DEPDC5: variants seen among roughly 807,000 people sequenced by gnomAD.
The protein encoded by DEPDC5 is GATOR1 complex protein DEPDC5.
In DEPDC5, 73 loss-of-function variants were observed where a neutral mutation model predicts 217.3. The ratio of observed to expected loss-of-function variants is 0.34; its 90% CI spans 0.28 to 0.41. The LOEUF (loss-of-function observed/expected upper bound fraction) is 0.41, where lower values mean the gene tolerates loss of function less well. DEPDC5 is among the 10% of genes least tolerant of loss of function. The pLI is 1.00. For missense variants in DEPDC5, 1,675 were observed against 2,070.1 expected (o/e 0.81, Z 3.70); for synonymous variants, 733 against 756.7 (o/e 0.97, Z 0.51).
chr22:31,848,355 T>A (rs1228089579), intron 31 of DEPDC5, among the ~76,000 whole-genome samples: 1 of 152,212 alleles, frequency 6.6e-6, no homozygotes, highest in African/African-American at 2.4e-5. Context: ...GCAGAGGTTC[T>A]CCATGAGGGC....
chr22:31,773,859 G>C (rs1569515316), intron 7 of DEPDC5, among the ~76,000 whole-genome samples: 1 of 152,226 alleles, frequency 6.6e-6, no homozygotes, highest in East Asian at 1.9e-4. Context: ...ATTACCTGAG[G>C]TCAGGGGTTC....
chr22:31,869,565 TAA>T (rs3069117), intron 33 of DEPDC5, among the ~76,000 whole-genome samples: 17,547 of 125,356 alleles, frequency 0.14, 1,227 homozygotes, highest in South Asian at 0.24. Context: ...AGTCTGTCTT[TAA>T]AAAAAAAAAA....
Position 31,884,051 on chromosome 22 carries a change from A to G in DEPDC5, c.4033+4299A>G, listed in dbSNP as rs191711970. On this transcript the variant is annotated intron_variant, in intron 38 of 42. Coordinates refer to ENST00000651528, the MANE Select transcript of DEPDC5 (RefSeq NM_001242896.3). Reference sequence around the variant, plus strand: ...ACCTCACATCTCACTTTATGTAATCATAGCTTTGAGCTGCCAAACCTCATT... The same window carrying G: ...ACCTCACATCTCACTTTATGTAATCGTAGCTTTGAGCTGCCAAACCTCATT... Among the ~76,000 whole-genome samples, 21 of 152,214 alleles carry G rather than the reference A, an allele frequency of 1.4e-4. No individual in the cohort carries two copies. In the East Asian group the frequency reaches 4.1e-3, roughly 29 times the overall value.
intron 27 of DEPDC5, among the ~76,000 whole-genome samples, chr22:31,841,432 C>T: frequency 6.6e-6 from 1 of 152,152 alleles, no homozygotes; most frequent in Non-Finnish European, 1.5e-5. Flanking sequence ...AATGCACAAA[C>T]AAAGCAAGGA....
intron 24 of DEPDC5, 113 bp from the exon 25 acceptor site, chr22:31,833,802 A>G: frequency 1.2e-6 from 1 of 811,040 alleles, no homozygotes; most frequent in Non-Finnish European, 1.9e-6. Context: ...CAGAATTTGC[A>G]CTTGGTTTAC....
At chr22:31,762,301 G>A (rs1231285604) in intron 4 of DEPDC5, among the ~76,000 whole-genome samples, 4 of 152,214 alleles carry the variant, frequency 2.6e-5, no homozygotes, top group African/African-American at 7.2e-5. Flanking sequence ...CAGTCTAGGC[G>A]TAGCCAGAAG....
intron 38 of DEPDC5, chr22:31,880,230 G>T: frequency 5.8e-6 from 1 of 173,548 alleles, no homozygotes; most frequent in Admixed American, 5.4e-5. Flanking sequence ...CCCCAAATGT[G>T]CTTACCATAT....
At chr22:31,810,903 G>A (rs2088226765) in intron 20 of DEPDC5, among the ~76,000 whole-genome samples, 2 of 152,086 alleles carry the variant, frequency 1.3e-5, no homozygotes, top group South Asian at 4.1e-4. Flanking sequence ...AGCCTCACAA[G>A]TTGCTGGGAT....
At chr22:31,782,590 T>G (rs1412526602) in intron 8 of DEPDC5, among the ~76,000 whole-genome samples, 1 of 152,196 alleles carries the variant, frequency 6.6e-6, no homozygotes, top group Non-Finnish European at 1.5e-5. Flanking sequence ...TTGCTTTTCC[T>G]TGAGGCAGTC....
At chr22:31,826,070 G>A (rs543190540) in intron 24 of DEPDC5, among the ~76,000 whole-genome samples, 26 of 151,926 alleles carry the variant, frequency 1.7e-4, no homozygotes, top group African/African-American at 6.3e-4. Flanking sequence ...GCAGTGGTGC[G>A]ATCTCAGCTC....
At chr22:31,888,254 T>TG (rs1467874557) in intron 38 of DEPDC5, among the ~76,000 whole-genome samples, 2 of 141,800 alleles carry the variant, frequency 1.4e-5, no homozygotes, top group South Asian at 2.4e-4. Flanking sequence ...TTTTTTTTTT[T>TG]TTTTTTTTTT....
chr22:31,871,516 T>C (rs2092841710), intron 34 of DEPDC5, among the ~76,000 whole-genome samples: 1 of 152,216 alleles, frequency 6.6e-6, no homozygotes, highest in Admixed American at 6.5e-5. Context: ...GTAGAGGTGA[T>C]GGTCATTTCA....
chr22:31,825,548 C>T (rs1463530031), intron 24 of DEPDC5, among the ~76,000 whole-genome samples: 1 of 152,146 alleles, frequency 6.6e-6, no homozygotes, highest in Non-Finnish European at 1.5e-5. Flanking sequence ...CAGCCAAACT[C>T]ATGTCTCCCT....
Position 31,821,614 on chromosome 22 carries a change from A to G in DEPDC5, c.1983A>G (p.Leu661=), listed in dbSNP as rs1383591458. 6.2e-7 allele frequency: 1 copy of G among 1,613,912 alleles called. No homozygotes were observed. Among genetic ancestry groups the G allele is most frequent in the Non-Finnish European group, 8.5e-7 (1 of 1,179,762 alleles). The part of the protein sequence containing the change: ...PTHSSAELLE[L]AYHEAAGRHS... ...ACTCCTCTGCAGAGCTGCTGGAGTT[A>G]GCATATCATGAAGCTGCTGGAAGGT... Residue 661 remains leucine (L), a synonymous_variant, in exon 23 of 43, where the codon TTA becomes TTG. Transcript: ENST00000651528.
intron 31 of DEPDC5, among the ~76,000 whole-genome samples, chr22:31,850,103 A>C (rs2149062250): frequency 6.6e-6 from 1 of 152,286 alleles, no homozygotes; most frequent in Non-Finnish European, 1.5e-5. Flanking sequence ...TGGGTGATAG[A>C]GTGAGACTCT....
In DEPDC5 at chr22:31,893,625, C is replaced by T. The variant is rs573674033; in HGVS notation, c.4077C>T (p.Asp1359=). 1.8e-5 allele frequency: 29 copies of T among 1,613,078 alleles called. No individual in the cohort carries two copies. The African/African-American group carries it at 2.4e-4, about 13-fold the overall frequency. The change falls in exon 39 of 43, where the codon GAC becomes GAT. Residue 1359 remains aspartate (D), a synonymous_variant. Coordinates refer to ENST00000651528, the MANE Select transcript of DEPDC5 (RefSeq NM_001242896.3). ...PEQRTVTLDV[D]VNNRTDRLEW... is the part of the protein sequence containing the mutation. ...AGAGGACTGTGACCCTGGATGTTGA[C>T]GTGAACAACCGCACAGACCGGCTGG...
At chr22:31,768,993 G>C in intron 7 of DEPDC5, 130 bp downstream of exon 7, 2 of 1,207,698 alleles carry the variant, frequency 1.7e-6, no homozygotes, top group South Asian at 2.8e-5. Context: ...GGCCACAGTG[G>C]CTCACGCCTG....
intron 38 of DEPDC5, chr22:31,880,159 C>T (rs2093135450): frequency 4.4e-6 from 1 of 225,054 alleles, no homozygotes; most frequent in Admixed American, 5.0e-5. Flanking sequence ...CCTAAAAGGT[C>T]ATCCATTCCA....
At chr22:31,793,087 A>AATAT (rs1012131139) in intron 12 of DEPDC5, among the ~76,000 whole-genome samples, 7 of 152,040 alleles carry the variant, frequency 4.6e-5, no homozygotes, top group African/African-American at 1.7e-4. Flanking sequence ...TAAATAAATA[A>AATAT]ATAAATAAAT....
Sources: gnomAD v4.1 joint callset for allele counts (sites outside exome capture counted in the v4.1 genomes callset) on GRCh38, gnomAD v4.1.1 for gene constraint, MANE v1.5 for transcripts, NCBI Gene and HGNC (gene_info 2026-07-23, HGNC 2026-07-21) for gene names.